EIPR1: variants seen among roughly 807,000 people sequenced by gnomAD.
EIPR1 encodes EARP complex and GARP complex interacting protein 1, also known as EARP and GARP complex-interacting protein 1.
In EIPR1, 25 loss-of-function variants were observed where a neutral mutation model predicts 48.1. The observed-to-expected ratio is 0.52, with a 90% CI of 0.38 to 0.73. EIPR1 has a LOEUF of 0.73. EIPR1 is among the 30% of genes least tolerant of loss of function. The pLI is 0.00. For missense variants in EIPR1, 415 were observed against 506.2 expected (o/e 0.82, Z 1.73); for synonymous variants, 204 against 201.9 (o/e 1.01, Z -0.09).
intron 4 of EIPR1, among the ~76,000 whole-genome samples, chr2:3,229,973 C>G (rs1666189544): frequency 6.6e-6 from 1 of 152,086 alleles, no homozygotes; most frequent in South Asian, 2.1e-4. Context: ...ATCTGCTGAC[C>G]TTTTTGACAT....
At chr2:3,295,663 C>T (rs1668548377) in intron 3 of EIPR1, among the ~76,000 whole-genome samples, 1 of 138,014 alleles carries the variant, frequency 7.2e-6, no homozygotes. Context: ...CCCGTCCTCT[C>T]TACTCACACA....
intron 4 of EIPR1, among the ~76,000 whole-genome samples, chr2:3,220,587 A>G (rs1381661644): frequency 6.6e-6 from 1 of 152,090 alleles, no homozygotes; most frequent in Non-Finnish European, 1.5e-5. Context: ...ACATGCACAC[A>G]ATGGCTATTT....
At chr2:3,266,574 C>T (rs2103234907) in intron 3 of EIPR1, among the ~76,000 whole-genome samples, 1 of 152,344 alleles carries the variant, frequency 6.6e-6, no homozygotes, top group African/African-American at 2.4e-5. Flanking sequence ...CTCTTATCCT[C>T]CAGGCACTGG....
In EIPR1 at chr2:3,253,635, C is replaced by T. The variant is rs1667068660; in HGVS notation, c.416+3664G>A. ...CTTCCCAGCTAGTCTCTGTCTGCTTCCATAGGCTGCCTGGCTCTGGAGCAT... is the reference window on the plus strand; with the variant it reads ...CTTCCCAGCTAGTCTCTGTCTGCTTTCATAGGCTGCCTGGCTCTGGAGCAT... On this transcript the variant is annotated intron_variant, in intron 4 of 8. Transcript: ENST00000382125. Among the ~76,000 whole-genome samples, 3 of 152,210 alleles carry T rather than the reference C, an allele frequency of 2.0e-5. No individual in the cohort carries two copies. The South Asian group carries it at 6.2e-4, about 31-fold the overall frequency.
chr2:3,314,236 C>T (rs754787635), intron 3 of EIPR1, among the ~76,000 whole-genome samples: 34 of 152,172 alleles, frequency 2.2e-4, no homozygotes, highest in Admixed American at 4.6e-4. Context: ...GTGGGACGCT[C>T]GTTCCCAAGT....
At chr2:3,257,126 C>T (rs2103219380) in intron 4 of EIPR1, among the ~76,000 whole-genome samples, 173 bp downstream of exon 4, 1 of 152,280 alleles carries the variant, frequency 6.6e-6, no homozygotes, top group South Asian at 2.1e-4. Context: ...GTCAATGCGG[C>T]TAATCTAGAA....
chr2:3,260,695 T>C (rs924136156), intron 3 of EIPR1, among the ~76,000 whole-genome samples: 6 of 152,194 alleles, frequency 3.9e-5, no homozygotes, highest in African/African-American at 1.4e-4. Flanking sequence ...CCAATTTTTT[T>C]AAATGTACCT....
At chr2:3,342,642 C>T (rs1325166085) in intron 2 of EIPR1, among the ~76,000 whole-genome samples, 1 of 152,236 alleles carries the variant, frequency 6.6e-6, no homozygotes, top group Non-Finnish European at 1.5e-5. Context: ...ACACAAGGCA[C>T]AGCTTTCCAA....
intron 2 of EIPR1, among the ~76,000 whole-genome samples, chr2:3,347,334 C>G (rs755959230): frequency 6.6e-6 from 1 of 152,180 alleles, no homozygotes. Flanking sequence ...TGTTGTGGGA[C>G]GAACCTGGTG....
At chr2:3,218,989 C>G (rs1013476010) in intron 4 of EIPR1, among the ~76,000 whole-genome samples, 1 of 151,240 alleles carries the variant, frequency 6.6e-6, no homozygotes, top group Non-Finnish European at 1.5e-5. Context: ...AGAGCATTCA[C>G]AGTGAGTCAG....
At chr2:3,338,762 T>C (rs947043671) in intron 2 of EIPR1, among the ~76,000 whole-genome samples, 3 of 152,208 alleles carry the variant, frequency 2.0e-5, no homozygotes, top group Admixed American at 6.5e-5. Context: ...TAGGATAACA[T>C]TTTAGCCACT....
intron 3 of EIPR1, among the ~76,000 whole-genome samples, chr2:3,333,057 G>A (rs751261985): frequency 1.3e-5 from 2 of 152,144 alleles, no homozygotes; most frequent in Admixed American, 1.3e-4. Flanking sequence ...CTGCCTGTGG[G>A]CGCCAGATCC....
At chr2:3,233,649 G>A (rs918031468) in intron 4 of EIPR1, among the ~76,000 whole-genome samples, 3 of 152,256 alleles carry the variant, frequency 2.0e-5, no homozygotes, top group South Asian at 2.1e-4. Context: ...CACCCGTCAA[G>A]TGTGTACTGG....
At position 3,214,135 on chromosome 2, in the gene EIPR1, T is replaced by TAAA. The variant is rs762741338; in HGVS notation, c.516+13_516+14insTTT. On this transcript the variant is annotated intron_variant, in intron 5 of 8. Coordinates refer to ENST00000382125, the MANE Select transcript of EIPR1 (RefSeq NM_003310.5). The stretch of plus-strand genomic sequence containing the variant: ...AAATACAGAAACAAACGCTGTGTTG[T>TAAA]TGCTTTTACTTACCACAGCCTGGCT... 1.2e-6 allele frequency: 2 copies of TAAA among 1,609,890 alleles called. No homozygotes were observed. The highest frequency in any genetic ancestry group is 2.7e-5 in the African/African-American group (2 of 74,958).
chr2:3,210,627 C>CTTTTTTTTTTTTTTTTTT lies in EIPR1; in HGVS notation c.516+3504_516+3521dup, dbSNP rs56963007. Among the ~76,000 whole-genome samples the CTTTTTTTTTTTTTTTTTT allele has an allele frequency of 1.7e-5, 2 of 118,418 alleles. 1 individual carries two copies. Among genetic ancestry groups the CTTTTTTTTTTTTTTTTTT allele is most frequent in the Non-Finnish European group, 3.5e-5 (2 of 57,636 alleles). The allele number at this position is 118,418 out of a possible 152,430, so 77.7% of individuals were successfully genotyped here. A position where few individuals can be genotyped will look rare whatever the true frequency, so the allele number is the denominator to read the frequency against. On this transcript the variant is annotated intron_variant, in intron 5 of 8. Transcript: ENST00000382125. ...TCTTCTCACTGTTTACCTCCCAATT[C>CTTTTTTTTTTTTTTTTTT]TTTTTTTTTTTTTTTTTTTTTGAGA... is the stretch of plus-strand genomic sequence containing the variant.
chr2:3,210,625 TTC>T (rs1665413827), intron 5 of EIPR1, among the ~76,000 whole-genome samples: 1 of 110,062 alleles, frequency 9.1e-6, no homozygotes, highest in Non-Finnish European at 1.8e-5. Context: ...TACCTCCCAA[TTC>T]TTTTTTTTTT....
chr2:3,224,596 C>T (rs1334485750), intron 4 of EIPR1, among the ~76,000 whole-genome samples: 1 of 152,188 alleles, frequency 6.6e-6, no homozygotes, highest in African/African-American at 2.4e-5. Context: ...GAAGAGGCAG[C>T]CCCGTGTGAA....
intron 5 of EIPR1, among the ~76,000 whole-genome samples, chr2:3,197,384 G>A (rs887599720): frequency 6.6e-5 from 10 of 152,236 alleles, no homozygotes; most frequent in African/African-American, 1.7e-4. Context: ...CCACCTGAGC[G>A]GTTCCGGAAT....
intron 4 of EIPR1, among the ~76,000 whole-genome samples, chr2:3,248,534 C>T (rs1666910732): frequency 1.3e-5 from 2 of 151,762 alleles, no homozygotes; most frequent in South Asian, 4.2e-4. Context: ...GAAGAGGCTG[C>T]AGTGAGCCGA....
Sources: gnomAD v4.1 joint callset for allele counts (sites outside exome capture counted in the v4.1 genomes callset) on GRCh38, gnomAD v4.1.1 for gene constraint, MANE v1.5 for transcripts, NCBI Gene and HGNC (gene_info 2026-07-23, HGNC 2026-07-21) for gene names.